The following MAD1L1 variants were observed in gnomAD, a reference collection of about 807,000 sequenced individuals.
MAD1L1 encodes the protein mitotic spindle assembly checkpoint protein MAD1.
In MAD1L1, 95 loss-of-function variants were observed where a neutral mutation model predicts 96.9. That is an observed-to-expected ratio of 0.98 (90% confidence interval 0.83 to 1.16). The LOEUF (loss-of-function observed/expected upper bound fraction) is 1.16. Among genes scored for constraint, MAD1L1 ranks in the 50% most tolerant of loss-of-function variants. The pLI is 0.00. For missense variants in MAD1L1, 1,007 were observed against 954.4 expected, an observed-to-expected ratio of 1.06 and a Z score of -0.73; for synonymous variants, 473 against 396.6, an observed-to-expected ratio of 1.19 and a Z score of -2.29.
chr7:1,936,598 G>A, intron 17 of MAD1L1, 89 bp downstream of exon 17: 1 of 1,329,014 alleles, frequency 7.5e-7, no homozygotes, highest in Non-Finnish European at 1.0e-6. Flanking sequence ...ATGACAGGCA[G>A]GGGCGCCTGA....
chr7:1,971,064 C>T (rs930805981), intron 15 of MAD1L1, among the ~76,000 whole-genome samples: 5 of 152,164 alleles, frequency 3.3e-5, no homozygotes, highest in Non-Finnish European at 5.9e-5. Context: ...ACCCGGGGCC[C>T]ACAGCCAGCC....
intron 18 of MAD1L1, among the ~76,000 whole-genome samples, chr7:1,844,463 C>T (rs12666773): frequency 0.048 from 7,284 of 152,144 alleles, 381 homozygotes; most frequent in African/African-American, 0.13. Flanking sequence ...GGGACATGGA[C>T]GGCATTCGAG....
At chr7:2,153,620 C>T (rs1431070398) in intron 10 of MAD1L1, among the ~76,000 whole-genome samples, 3 of 152,174 alleles carry the variant, frequency 2.0e-5, no homozygotes, top group Non-Finnish European at 4.4e-5. Flanking sequence ...TTAGTACCAC[C>T]GCTATGGAAC....
intron 11 of MAD1L1, among the ~76,000 whole-genome samples, chr7:2,115,319 A>T (rs1787614745): frequency 1.4e-5 from 2 of 147,478 alleles, no homozygotes; most frequent in Non-Finnish European, 3.0e-5. Context: ...GAGGCTGGAC[A>T]GGGTCCCCAC....
rs1291285638 is a variant in MAD1L1 at position 2,185,702 on chromosome 7, T to C, written c.986+27510A>G. Among the ~76,000 whole-genome samples the C allele has an allele frequency of 2.6e-5, 4 of 152,264 alleles. No homozygotes were observed. The East Asian group carries it at 5.8e-4, about 22-fold the overall frequency. On this transcript the variant is annotated intron_variant, in intron 10 of 18. Transcript: ENST00000265854. The stretch of plus-strand genomic sequence containing the variant: ...CATGAGAGAGAGACCATTTTAATCC[T>C]GGGAAGCTAGTGTGACTGGGGATTG...
intron 14 of MAD1L1, among the ~76,000 whole-genome samples, chr7:1,987,065 A>AC (rs1432269379): frequency 6.7e-6 from 1 of 149,970 alleles, no homozygotes; most frequent in Non-Finnish European, 1.5e-5. Context: ...TTCCACCTAC[A>AC]CCCCCCGCTC....
intron 15 of MAD1L1, among the ~76,000 whole-genome samples, chr7:1,969,929 C>T (rs772122844): frequency 6.6e-6 from 1 of 152,202 alleles, no homozygotes; most frequent in Non-Finnish European, 1.5e-5. Flanking sequence ...ACTGTTTACC[C>T]GTCAGCGGAG....
intron 18 of MAD1L1, among the ~76,000 whole-genome samples, chr7:1,887,324 C>T (rs1015959864): frequency 7.2e-6 from 1 of 139,184 alleles, no homozygotes; most frequent in Non-Finnish European, 1.6e-5. Context: ...CATGCATGCG[C>T]ATGCGTGGCT....
chr7:2,055,850 G>C (rs1048560625), intron 12 of MAD1L1, among the ~76,000 whole-genome samples: 12 of 151,910 alleles, frequency 7.9e-5, no homozygotes, highest in African/African-American at 2.9e-4. Context: ...ATGGTGGCAG[G>C]CGCCTGTAAT....
rs778331393 is a variant in MAD1L1 at position 1,957,709 on chromosome 7, C to T, written c.1516G>A (p.Glu506Lys). The T allele has an allele frequency of 3.7e-6, 6 of 1,614,134 alleles. 1 individual carries two copies. The South Asian group carries it at 4.4e-5, about 12-fold the overall frequency. ...CGACTCCGCTCGCCTTCCAGCTCCTCGACCTTCAACCTGCAAGGACAGCAA... is the reference window on the plus strand; with the variant it reads ...CGACTCCGCTCGCCTTCCAGCTCCTTGACCTTCAACCTGCAAGGACAGCAA... Reference protein sequence around the residue: ...EEADTLRLKVEELEGERSRLE... With the variant: ...EEADTLRLKVKELEGERSRLE... Residue 506 changes from glutamate to lysine, a missense_variant, in exon 16 of 19, where the codon GAG becomes AAG. Transcript: ENST00000265854.
At chr7:1,884,869 G>A (rs928620326) in intron 18 of MAD1L1, among the ~76,000 whole-genome samples, 3 of 152,240 alleles carry the variant, frequency 2.0e-5, no homozygotes, top group Admixed American at 1.3e-4. Context: ...GTGGGGCAAG[G>A]GGGCAGAGGG....
rs1211247317 is a variant in MAD1L1 at position 2,116,037 on chromosome 7, C to T, written c.1073+33115G>A. Among the ~76,000 whole-genome samples the T allele has an allele frequency of 2.0e-5, 3 of 152,264 alleles. No individual in the cohort carries two copies. In the East Asian group the frequency reaches 5.8e-4, roughly 29 times the overall value. ...AGCCCCACTGCCCACCACTTAACCA[C>T]ACTCCCTAACCCGAATATCCCTCTG... On this transcript the variant is annotated intron_variant, in intron 11 of 18. Transcript: ENST00000265854.
At chr7:2,197,099 G>A (rs1562361550) in intron 10 of MAD1L1, among the ~76,000 whole-genome samples, 1 of 152,340 alleles carries the variant, frequency 6.6e-6, no homozygotes, top group East Asian at 1.9e-4. Context: ...CCTCAGGACA[G>A]GACAGATCCC....
intron 16 of MAD1L1, among the ~76,000 whole-genome samples, chr7:1,939,798 G>A (rs923412748): frequency 6.6e-6 from 1 of 152,170 alleles, no homozygotes; most frequent in African/African-American, 2.4e-5. Flanking sequence ...TCAGGCTGCT[G>A]TGGGCCACTG....
intron 16 of MAD1L1, among the ~76,000 whole-genome samples, chr7:1,953,228 C>A (rs1043513015): frequency 3.9e-5 from 6 of 152,186 alleles, no homozygotes; most frequent in African/African-American, 1.4e-4. Context: ...AGAACGGTCT[C>A]CGTGTGCTTC....
intron 11 of MAD1L1, among the ~76,000 whole-genome samples, chr7:2,129,691 C>T (rs867763504): frequency 6.6e-6 from 1 of 152,196 alleles, no homozygotes; most frequent in Non-Finnish European, 1.5e-5. Context: ...CACGCAGGCT[C>T]GAGCTTCTGC....
intron 18 of MAD1L1, among the ~76,000 whole-genome samples, chr7:1,891,827 C>T (rs553558964): frequency 3.3e-5 from 5 of 152,212 alleles, no homozygotes; most frequent in African/African-American, 1.2e-4. Flanking sequence ...GCGATCCCCC[C>T]ACTTCAGCCT....
At chr7:1,917,136 C>T (rs1788457976) in intron 17 of MAD1L1, among the ~76,000 whole-genome samples, 1 of 152,216 alleles carries the variant, frequency 6.6e-6, no homozygotes, top group Non-Finnish European at 1.5e-5. Flanking sequence ...TCCATGTGCC[C>T]CAGGGCCGAG....
intron 12 of MAD1L1, among the ~76,000 whole-genome samples, chr7:2,031,600 C>A (rs1243713554): frequency 1.3e-5 from 2 of 152,262 alleles, no homozygotes; most frequent in African/African-American, 2.4e-5. Context: ...CTGCTCACAC[C>A]TGCGCTATGA....
Sources: allele counts gnomAD v4.1 joint callset (sites outside exome capture counted in the v4.1 genomes callset), GRCh38; gene constraint gnomAD v4.1.1; transcripts MANE v1.5; gene names NCBI Gene and HGNC (gene_info 2026-07-23, HGNC 2026-07-21).